Variants in CFAP299 observed in about 807,000 individuals in gnomAD.
CFAP299 encodes the protein cilia- and flagella-associated protein 299.
Under a neutral mutation model 27.0 loss-of-function variants are expected in CFAP299, and 21 were observed. The observed-to-expected ratio is 0.78, with a 90% CI of 0.55 to 1.12. CFAP299 has a LOEUF of 1.12. CFAP299 is among the 50% of genes most tolerant of loss of function. The pLI is 0.00. For synonymous variants in CFAP299, 104 were observed against 98.1 expected (o/e 1.06, Z -0.36); for missense variants, 310 against 276.6 (o/e 1.12, Z -0.86).
intron 3 of CFAP299, among the ~76,000 whole-genome samples, chr4:80,761,580 A>G (rs1263906838): frequency 2.6e-5 from 4 of 152,108 alleles, no homozygotes; most frequent in Non-Finnish European, 4.4e-5. Context: ...AAAAACTAGA[A>G]TGTATATTCA....
intron 3 of CFAP299, among the ~76,000 whole-genome samples, chr4:80,683,405 T>TGA (rs1474422551): frequency 6.6e-6 from 1 of 152,218 alleles, no homozygotes; most frequent in Admixed American, 6.5e-5. Flanking sequence ...GGTTATTTAA[T>TGA]CTAATATTTT....
intron 3 of CFAP299, among the ~76,000 whole-genome samples, chr4:80,860,854 CA>C (rs1471200142): frequency 6.6e-6 from 1 of 152,304 alleles, no homozygotes; most frequent in East Asian, 1.9e-4. Context: ...GCTCAGGGGT[CA>C]GGGGTCAGGG....
Position 80,850,827 on chromosome 4 carries a change from T to C in CFAP299, c.334-19166T>C, listed in dbSNP as rs1026078479. On this transcript the variant is annotated intron_variant, in intron 3 of 5. Coordinates refer to ENST00000358105, the MANE Select transcript of CFAP299 (RefSeq NM_152770.3). ...TAGTTCAACAGGGAAACAATGAGGT[T>C]TGAAATAAGATATTGGCAATCATCA... Among the ~76,000 whole-genome samples the C allele has an allele frequency of 4.6e-5, 7 of 152,074 alleles. No homozygotes were observed. The East Asian group carries it at 1.3e-3, about 29-fold the overall frequency.
At chr4:80,902,400 AC>A (rs1219737757) in intron 4 of CFAP299, among the ~76,000 whole-genome samples, 2 of 135,266 alleles carry the variant, frequency 1.5e-5, no homozygotes, top group East Asian at 2.0e-4. Context: ...TATGAAATAT[AC>A]TTTATATAAA....
intron 3 of CFAP299, among the ~76,000 whole-genome samples, chr4:80,685,805 C>A (rs1042149125): frequency 6.6e-6 from 1 of 152,094 alleles, no homozygotes; most frequent in African/African-American, 2.4e-5. Flanking sequence ...TCTTCACACA[C>A]CCTGACTTTT....
intron 2 of CFAP299, among the ~76,000 whole-genome samples, chr4:80,520,442 C>T (rs1732853727): frequency 1.3e-5 from 2 of 152,164 alleles, no homozygotes; most frequent in South Asian, 4.1e-4. Context: ...TCAGAACAAC[C>T]CACTTGTTTA....
intron 3 of CFAP299, among the ~76,000 whole-genome samples, chr4:80,662,701 G>C (rs1292161505): frequency 1.3e-5 from 2 of 152,096 alleles, no homozygotes; most frequent in African/African-American, 2.4e-5. Flanking sequence ...GATAGATAAG[G>C]GTTCTAGAAT....
chr4:80,775,864 G>A (rs555536600), intron 3 of CFAP299, among the ~76,000 whole-genome samples: 2 of 152,146 alleles, frequency 1.3e-5, no homozygotes, highest in Non-Finnish European at 2.9e-5. Context: ...AAATATTCCA[G>A]TAAGTGATTT....
intron 3 of CFAP299, among the ~76,000 whole-genome samples, chr4:80,704,308 G>T (rs1028701648): frequency 2.0e-5 from 3 of 151,676 alleles, no homozygotes; most frequent in African/African-American, 7.3e-5. Flanking sequence ...ATGTATGATG[G>T]CCTGCATCAT....
At chr4:80,908,783 T>A (rs778099917) in intron 4 of CFAP299, among the ~76,000 whole-genome samples, 3 of 152,258 alleles carry the variant, frequency 2.0e-5, no homozygotes, top group Non-Finnish European at 4.4e-5. Flanking sequence ...TTAAAGTGAG[T>A]GCAAATGCTC....
intron 2 of CFAP299, among the ~76,000 whole-genome samples, chr4:80,364,634 G>A (rs1024735402): frequency 1.3e-5 from 2 of 152,282 alleles, no homozygotes; most frequent in Admixed American, 6.5e-5. Context: ...TATGTGTGCA[G>A]GATGTGCAGG....
intron 2 of CFAP299, among the ~76,000 whole-genome samples, chr4:80,567,777 T>C (rs1735381419): frequency 6.6e-6 from 1 of 150,518 alleles, no homozygotes; most frequent in South Asian, 2.1e-4. Context: ...GTTGTTTAAA[T>C]ACAAACGAAA....
chr4:80,593,467 T>C (rs1179942491), intron 3 of CFAP299, among the ~76,000 whole-genome samples: 1 of 152,212 alleles, frequency 6.6e-6, no homozygotes, highest in Non-Finnish European at 1.5e-5. Flanking sequence ...TTTTATTGAA[T>C]GCTAGCTTCG....
intron 2 of CFAP299, among the ~76,000 whole-genome samples, chr4:80,448,616 CCT>C (rs1728752038): frequency 6.6e-6 from 1 of 151,900 alleles, no homozygotes; most frequent in African/African-American, 2.4e-5. Context: ...AGATCTAGAT[CCT>C]CTCTGAAAAT....
intron 3 of CFAP299, among the ~76,000 whole-genome samples, chr4:80,740,521 T>C (rs1052041659): frequency 6.6e-6 from 1 of 152,172 alleles, no homozygotes; most frequent in African/African-American, 2.4e-5. Context: ...CATGTGATGA[T>C]GCAAGTACCC....
chr4:80,323,724 C>G, the CFAP299 span, among the ~76,000 whole-genome samples: 1 of 152,128 alleles, frequency 6.6e-6, no homozygotes, highest in African/African-American at 2.4e-5. Context: ...TTATTCTTCA[C>G]TCTTGAATAA....
chr4:80,651,704 T>TTGTGTGTGTGTGTGTGTG (rs34460418), intron 3 of CFAP299, among the ~76,000 whole-genome samples: 33 of 139,644 alleles, frequency 2.4e-4, no homozygotes, highest in African/African-American at 8.4e-4. Flanking sequence ...AGGTATGCAC[T>TTGTGTGTGTGTGTGTGTG]TGTGTGTGTG....
At position 80,617,041 on chromosome 4, in the gene CFAP299, A is replaced by G. The variant is rs370146459; in HGVS notation, c.333+33858A>G. On this transcript the variant is annotated intron_variant, in intron 3 of 5. Transcript: ENST00000358105. ...TCCAGCAATTCCAACTCTTAAAACTATCTACGGAAATAGGATTTTAAAGAT... is the reference window on the plus strand; with the variant it reads ...TCCAGCAATTCCAACTCTTAAAACTGTCTACGGAAATAGGATTTTAAAGAT... Among the ~76,000 whole-genome samples the G allele has an allele frequency of 5.2e-3, 791 of 152,292 alleles. 5 individuals carry two copies. Among genetic ancestry groups the G allele is most frequent in the Middle Eastern group, 0.02 (6 of 294 alleles).
At chr4:80,805,246 A>T (rs1328114128) in intron 3 of CFAP299, among the ~76,000 whole-genome samples, 1 of 152,088 alleles carries the variant, frequency 6.6e-6, no homozygotes, top group Non-Finnish European at 1.5e-5. Flanking sequence ...TAATATTGAG[A>T]GAGATAAAAG....
Sources: allele counts gnomAD v4.1 joint callset (sites outside exome capture counted in the v4.1 genomes callset), GRCh38; gene constraint gnomAD v4.1.1; transcripts MANE v1.5; gene names NCBI Gene and HGNC (gene_info 2026-07-23, HGNC 2026-07-21).